Variants in CDKL3 observed in about 807,000 individuals in gnomAD.
The protein encoded by CDKL3 is cyclin-dependent kinase-like 3.
In CDKL3, 65 loss-of-function variants were observed where a neutral mutation model predicts 69.3. That is an observed-to-expected ratio of 0.94 (90% CI 0.77 to 1.15). The LOEUF (loss-of-function observed/expected upper bound fraction) is 1.15. CDKL3 is among the 50% of genes most tolerant of loss of function. CDKL3 has a pLI of 0.00. For missense variants in CDKL3, 652 were observed against 689.2 expected (o/e 0.95, Z 0.61); for synonymous variants, 202 against 221.6 (o/e 0.91, Z 0.79).
intron 3 of CDKL3, among the ~76,000 whole-genome samples, chr5:134,353,961 C>T (rs1480481290): frequency 6.6e-6 from 1 of 152,144 alleles, no homozygotes; most frequent in African/African-American, 2.4e-5. Flanking sequence ...CCCCTACTTA[C>T]CCTATTAACC....
chr5:134,295,177 C>T (rs184481392), downstream of CDKL3, among the ~76,000 whole-genome samples: 1 of 152,026 alleles, frequency 6.6e-6, no homozygotes, highest in Non-Finnish European at 1.5e-5. Context: ...CCACCACATA[C>T]AGCTAATTTT....
upstream of CDKL3, chr5:134,367,393 G>C (rs1166539881): frequency 2.2e-6 from 1 of 460,516 alleles, no homozygotes; most frequent in African/African-American, 3.7e-5. Context: ...TTTTTTTTTT[G>C]AGATAGTCTA....
At chr5:134,306,116 G>T (rs1028253357) in intron 10 of CDKL3, among the ~76,000 whole-genome samples, 1 of 152,058 alleles carries the variant, frequency 6.6e-6, no homozygotes, top group Non-Finnish European at 1.5e-5. Flanking sequence ...TAAGATATAT[G>T]AACTTAATTA....
At chr5:134,363,972 AAAAAAAG>A (rs1756714838) in intron 2 of CDKL3, among the ~76,000 whole-genome samples, 1 of 147,134 alleles carries the variant, frequency 6.8e-6, no homozygotes, top group South Asian at 2.1e-4. Context: ...AAAAAAAAAA[AAAAAAAG>A]AGAGAGAAAG....
At chr5:134,287,139 T>C (rs145472248) in intron 8 of CDKL3, among the ~76,000 whole-genome samples, 146 of 152,026 alleles carry the variant, frequency 9.6e-4, no homozygotes, top group Non-Finnish European at 1.7e-3. Flanking sequence ...AATGATGACA[T>C]GTGACAAAAA....
chr5:134,359,348 C>A (rs79460760), intron 3 of CDKL3, among the ~76,000 whole-genome samples: 1 of 152,174 alleles, frequency 6.6e-6, no homozygotes, highest in Non-Finnish European at 1.5e-5. Context: ...TAAACACTTA[C>A]AAGCCAATGC....
chr5:134,290,874 T>G (rs1765099358), intron 8 of CDKL3, among the ~76,000 whole-genome samples: 1 of 151,898 alleles, frequency 6.6e-6, no homozygotes, highest in African/African-American at 2.4e-5. Context: ...GGCAGTGCAT[T>G]GAAACTGAAG....
chr5:134,368,212 T>G (rs1757887554), upstream of CDKL3, among the ~76,000 whole-genome samples: 2 of 152,184 alleles, frequency 1.3e-5, no homozygotes, highest in African/African-American at 2.4e-5. Flanking sequence ...AATAAATTAG[T>G]ATTTTTGAAG....
intron 2 of CDKL3, among the ~76,000 whole-genome samples, chr5:134,361,235 T>C (rs963655753): frequency 2.0e-5 from 3 of 151,962 alleles, no homozygotes; most frequent in Non-Finnish European, 4.4e-5. Flanking sequence ...TTCAATTAGC[T>C]AAAAATGAAG....
chr5:134,289,067 C>T (rs1765003537), intron 8 of CDKL3, among the ~76,000 whole-genome samples: 2 of 144,100 alleles, frequency 1.4e-5, no homozygotes, highest in African/African-American at 2.6e-5. Flanking sequence ...GAGGCTGAGG[C>T]AAGAGGATTG....
upstream of CDKL3, chr5:134,371,322 G>A: frequency 1.7e-6 from 1 of 574,276 alleles, no homozygotes; most frequent in East Asian, 3.0e-5. Context: ...AGGAAGCCCA[G>A]GGGGAACCGC....
chr5:134,367,016 A>G lies in CDKL3; in HGVS notation c.-61T>C, dbSNP rs1209749284. The G allele has an allele frequency of 2.0e-6, 2 of 988,464 alleles. No homozygotes were observed. Among genetic ancestry groups the G allele is most frequent in the Non-Finnish European group, 2.4e-6 (2 of 832,244 alleles). 61.2% of individuals were successfully genotyped at this position (988,464 alleles called of 1,614,324 possible). On this transcript the variant is annotated 5_prime_UTR_variant, in exon 1 of 13. Transcript: ENST00000265334. Reference sequence around the variant, plus strand: ...ACGTCCCGCTGTTGACTTTATCCAAACAGCCGCCGCCGCCTCAGCCCATTC... The same window carrying G: ...ACGTCCCGCTGTTGACTTTATCCAAGCAGCCGCCGCCGCCTCAGCCCATTC...
chr5:134,340,440 T>A (rs994656185), intron 4 of CDKL3, among the ~76,000 whole-genome samples: 21 of 152,100 alleles, frequency 1.4e-4, no homozygotes, highest in African/African-American at 4.8e-4. Flanking sequence ...TATTTTTTTG[T>A]AAATCAACAA....
At chr5:134,347,598 G>A (rs761779741) in intron 4 of CDKL3, among the ~76,000 whole-genome samples, 13 of 151,234 alleles carry the variant, frequency 8.6e-5, no homozygotes, top group Admixed American at 1.3e-4. Flanking sequence ...GGCTGGGCAC[G>A]GTGGCTCATG....
intron 6 of CDKL3, among the ~76,000 whole-genome samples, chr5:134,318,530 C>T (rs546953533): frequency 2.0e-5 from 3 of 152,154 alleles, no homozygotes; most frequent in South Asian, 4.1e-4. Flanking sequence ...CTGTCACCCA[C>T]GCTGGAGTAC....
intron 2 of CDKL3, among the ~76,000 whole-genome samples, chr5:134,362,050 A>G (rs1756165412): frequency 6.6e-6 from 1 of 152,252 alleles, no homozygotes; most frequent in Non-Finnish European, 1.5e-5. Flanking sequence ...AGATCCATTC[A>G]GGGATGAGGA....
chr5:134,371,320 C>G (rs1758378712), upstream of CDKL3: 4 of 572,398 alleles, frequency 7.0e-6, no homozygotes, highest in Non-Finnish European at 1.2e-5. Flanking sequence ...TCAGGAAGCC[C>G]AGGGGGAACC....
chr5:134,366,590 ACTTT>A (rs1554110679), intron 1 of CDKL3, 46 bp from the exon 2 acceptor site: 1 of 1,209,518 alleles, frequency 8.3e-7, no homozygotes. Context: ...AAACGTTTAT[ACTTT>A]TATTTATTAA....
At chr5:134,366,229 T>C (rs1561662273) in intron 2 of CDKL3, 130 bp downstream of exon 2, 4 of 627,242 alleles carry the variant, frequency 6.4e-6, no homozygotes, top group Non-Finnish European at 1.1e-5. Context: ...AAAATGTAGA[T>C]AAGATAGAGT....
Sources: allele counts gnomAD v4.1 joint callset (sites outside exome capture counted in the v4.1 genomes callset), GRCh38; gene constraint gnomAD v4.1.1; transcripts MANE v1.5; gene names NCBI Gene and HGNC (gene_info 2026-07-23, HGNC 2026-07-21).